Variants in MROH1 observed in about 807,000 individuals in gnomAD.
MROH1 encodes the protein maestro heat-like repeat-containing protein family member 1.
A neutral mutation model predicts 116.5 loss-of-function variants in MROH1; 117 were observed. That is an observed-to-expected ratio of 1.00 (90% CI 0.86 to 1.17). The LOEUF is 1.17. MROH1 is among the 50% of genes most tolerant of loss of function. MROH1 has a pLI of 0.00. For missense variants in MROH1, 1,873 were observed against 1,338.5 expected (o/e 1.40, Z -6.23); for synonymous variants, 921 against 583.9 (o/e 1.58, Z -8.32).
In MROH1 at chr8:144,179,581, A is replaced by T; in HGVS notation, c.295A>T (p.Thr99Ser). The change falls in exon 5 of 44, where the codon ACG becomes TCG. Residue 99 changes from threonine (T) to serine (S), a missense_variant. Thr to Ser is a moderately conservative substitution (Grantham distance 58). Coordinates refer to ENST00000326134, the MANE Select transcript of MROH1 (RefSeq NM_032450.3). ...ILLASSEMTK[T>S]KDLVWDWQQA... ...CCTGGCCTCCAGCGAGATGACCAAG[A>T]CGAAGGTATTCAGCAGGCCCTCTGG... is the stretch of plus-strand genomic sequence containing the variant. 3.1e-6 allele frequency: 5 copies of T among 1,608,820 alleles called. No homozygotes were observed. Among genetic ancestry groups the T allele is most frequent in the Non-Finnish European group, 1.7e-6 (2 of 1,177,948 alleles).
At chr8:144,203,597 A>G (rs1410367601) in intron 12 of MROH1, among the ~76,000 whole-genome samples, 1 of 151,732 alleles carries the variant, frequency 6.6e-6, no homozygotes, top group East Asian at 1.9e-4. Flanking sequence ...GGAGGGCCTG[A>G]GAGGAGAGCG....
chr8:144,224,542 C>T lies in MROH1; in HGVS notation c.1338+1312C>T, dbSNP rs760175163. ...CGGCCTGAAAAAGTGCTAGGATTAC[C>T]GGTGTGTGCCAGCACACCCAGCACT... On this transcript the variant is annotated intron_variant, in intron 14 of 43. Coordinates refer to ENST00000326134, the MANE Select transcript of MROH1 (RefSeq NM_032450.3). Among the ~76,000 whole-genome samples, 14 of 152,238 alleles carry T rather than the reference C, an allele frequency of 9.2e-5. 1 individual carries two copies. Among genetic ancestry groups the T allele is most frequent in the South Asian group, 8.3e-4 (4 of 4,824 alleles).
chr8:144,250,295 G>A lies in MROH1; in HGVS notation c.3357G>A (p.Val1119=). ...TCCTGCCGGCCGCCCAGCACAGCGT[G>A]TACCTCCTGGCCACCCAGCACTGCG... ...EHVLPAAQHS[V]YLLATQHCAA... Residue 1119 remains valine, a synonymous_variant, in exon 33 of 44, where the codon GTG becomes GTA. Coordinates refer to ENST00000326134, the MANE Select transcript of MROH1 (RefSeq NM_032450.3). 1.3e-6 allele frequency: 1 copy of A among 767,532 alleles called. No homozygotes were observed. The highest frequency in any genetic ancestry group is 2.4e-6 in the Non-Finnish European group (1 of 415,710). The allele number at this position is 767,532 out of a possible 1,614,324, so 47.5% of individuals were successfully genotyped here.
chr8:144,201,612 C>T (rs764891398), intron 12 of MROH1, among the ~76,000 whole-genome samples: 4 of 152,196 alleles, frequency 2.6e-5, no homozygotes, highest in Non-Finnish European at 4.4e-5. Context: ...TCAGAAGCGG[C>T]GCACTGCCCC....
chr8:144,204,576 C>T (rs1369858681), intron 12 of MROH1, among the ~76,000 whole-genome samples: 1 of 152,204 alleles, frequency 6.6e-6, no homozygotes, highest in African/African-American at 2.4e-5. Context: ...GTGGCACTCT[C>T]AAGTCCCTCA....
intron 12 of MROH1, among the ~76,000 whole-genome samples, chr8:144,214,847 C>CAA (rs944282628): frequency 2.6e-5 from 4 of 152,118 alleles, no homozygotes; most frequent in Non-Finnish European, 5.9e-5. Context: ...TCACAGGGTC[C>CAA]CACAATAGGT....
In MROH1 at chr8:144,182,002, A is replaced by G. The variant is rs924447670; in HGVS notation, c.562+1479A>G. Among the ~76,000 whole-genome samples the G allele has an allele frequency of 2.0e-5, 3 of 152,154 alleles. No homozygotes were observed. Among genetic ancestry groups the G allele is most frequent in the African/African-American group, 7.2e-5 (3 of 41,448 alleles). ...GCATTTTCCTCCATGTGTCAAACAC[A>G]TGGGTTCAGCCAGCGAAGATTCCAT... On this transcript the variant is annotated intron_variant, in intron 7 of 43. Coordinates refer to ENST00000326134, the MANE Select transcript of MROH1 (RefSeq NM_032450.3). The surrounding 1 kb of genome is among the most constrained non-coding windows in gnomAD (Gnocchi z 4.1).
intron 22 of MROH1, among the ~76,000 whole-genome samples, chr8:144,241,931 C>A (rs895817163): frequency 6.6e-6 from 1 of 152,230 alleles, no homozygotes. Flanking sequence ...TCCTGTCTCC[C>A]GTAACTGTCC....
intron 10 of MROH1, among the ~76,000 whole-genome samples, chr8:144,196,060 G>T (rs994719671): frequency 5.3e-5 from 8 of 151,900 alleles, no homozygotes; most frequent in African/African-American, 1.9e-4. Flanking sequence ...GGAGGCCGAG[G>T]CGGGCAAATC....
intron 4 of MROH1, among the ~76,000 whole-genome samples, chr8:144,178,224 C>T (rs1414143351): frequency 1.3e-5 from 2 of 152,068 alleles, no homozygotes; most frequent in African/African-American, 4.8e-5. Context: ...CTCTGCCTCC[C>T]GGGTTCAAGC....
At chr8:144,172,558 C>T (rs574973957) in intron 4 of MROH1, among the ~76,000 whole-genome samples, 2 of 151,978 alleles carry the variant, frequency 1.3e-5, no homozygotes, top group African/African-American at 2.4e-5. Flanking sequence ...ATTACAGACG[C>T]GTGCCACCAC....
chr8:144,231,478 TG>T (rs370448187), intron 14 of MROH1, among the ~76,000 whole-genome samples: 1 of 152,292 alleles, frequency 6.6e-6, no homozygotes, highest in African/African-American at 2.4e-5. Context: ...GGGTTTTAAT[TG>T]GACTAATTTC....
At chr8:144,212,971 A>G (rs369801015) in intron 12 of MROH1, 66 of 768,018 alleles carry the variant, frequency 8.6e-5, no homozygotes, top group Middle Eastern at 2.2e-4. Flanking sequence ...CATAATTACC[A>G]TTTGTTTGAT....
Position 144,168,260 on chromosome 8 carries a change from G to A in MROH1, c.23-35G>A, listed in dbSNP as rs753774725. 11 of 1,548,084 alleles carry A rather than the reference G, an allele frequency of 7.1e-6. No individual in the cohort carries two copies. In the South Asian group the frequency reaches 7.2e-5, roughly 10 times the overall value. ...GAGGTGTGATAGGAGAGGGCGCTTGGGCCTGAGCATGCTAACCAGGCTTTG... is the reference window on the plus strand; with the variant it reads ...GAGGTGTGATAGGAGAGGGCGCTTGAGCCTGAGCATGCTAACCAGGCTTTG... On this transcript the variant is annotated intron_variant, in intron 3 of 43. Transcript: ENST00000326134.
At chr8:144,221,679 G>A (rs369208725) in intron 13 of MROH1, among the ~76,000 whole-genome samples, 127 of 152,090 alleles carry the variant, frequency 8.4e-4, no homozygotes, top group African/African-American at 2.4e-3. Flanking sequence ...TCTCCCCACC[G>A]TACCCCTGAC....
At chr8:144,172,102 T>C (rs1822592385) in intron 4 of MROH1, among the ~76,000 whole-genome samples, 1 of 152,180 alleles carries the variant, frequency 6.6e-6, no homozygotes, top group Non-Finnish European at 1.5e-5. Context: ...GAAATAAAAG[T>C]ATTTTACCCC....
At chr8:144,174,244 T>C (rs1431484937) in intron 4 of MROH1, among the ~76,000 whole-genome samples, 2 of 152,060 alleles carry the variant, frequency 1.3e-5, no homozygotes, top group Non-Finnish European at 2.9e-5. Context: ...GAAGACAGGC[T>C]CTCAATCTGG....
At position 144,165,333 on chromosome 8, in the gene MROH1, G is replaced by C. The variant is rs1349111347; in HGVS notation, c.22+1485G>C. Among the ~76,000 whole-genome samples the C allele has an allele frequency of 5.3e-5, 8 of 152,060 alleles. No homozygotes were observed. In the East Asian group the frequency reaches 1.6e-3, roughly 29 times the overall value. ...GGGGTTTCACCAGGTTTGCCAGGCT[G>C]GTCTCAAACTCCTGACCTCAGGTGA... On this transcript the variant is annotated intron_variant, in intron 3 of 43. Coordinates refer to ENST00000326134, the MANE Select transcript of MROH1 (RefSeq NM_032450.3).
intron 14 of MROH1, among the ~76,000 whole-genome samples, chr8:144,228,475 G>T (rs141146254): frequency 0.01 from 1,549 of 152,192 alleles, 22 homozygotes; most frequent in African/African-American, 0.035. Flanking sequence ...ACAATTTCTT[G>T]TTTTTGAGAT....
Sources: allele counts gnomAD v4.1 joint callset (sites outside exome capture counted in the v4.1 genomes callset), GRCh38; gene constraint gnomAD v4.1.1; non-coding constraint Gnocchi (gnomAD v3.1); transcripts MANE v1.5; gene names NCBI Gene and HGNC (gene_info 2026-07-23, HGNC 2026-07-21).